MROH9: variants seen among roughly 807,000 people sequenced by gnomAD.
MROH9 encodes the protein maestro heat-like repeat-containing protein family member 9.
Under a neutral mutation model 98.2 loss-of-function variants are expected in MROH9, and 92 were observed. That is an observed-to-expected ratio of 0.94 (90% CI 0.79 to 1.11). The LOEUF (loss-of-function observed/expected upper bound fraction) is 1.11. MROH9 is among the 50% of genes most tolerant of loss of function. The pLI is 0.00. For missense variants in MROH9, 1,057 were observed against 1,014.8 expected (o/e 1.04, Z -0.57); for synonymous variants, 397 against 368.9 (o/e 1.08, Z -0.87).
chr1:170,970,444 A>G lies in MROH9; in HGVS notation c.481-1304A>G, dbSNP rs554031507. Among the ~76,000 whole-genome samples the G allele has an allele frequency of 3.3e-5, 5 of 152,128 alleles. No homozygotes were observed. In the East Asian group the frequency reaches 9.7e-4, roughly 29 times the overall value. On this transcript the variant is annotated intron_variant, in intron 7 of 21. Transcript: ENST00000367759. ...AAGAAAAGGACATTCAGGCAAAGAG[A>G]GCATTTCCCCCTAGGGCCTAGAGCA...
At chr1:171,018,200 T>G (rs1652393762) in intron 17 of MROH9, among the ~76,000 whole-genome samples, 1 of 152,132 alleles carries the variant, frequency 6.6e-6, no homozygotes, top group Admixed American at 6.5e-5. Flanking sequence ...GCACCCATCT[T>G]TGCTGTTCTC....
At chr1:171,029,396 G>T (rs1341204974) in intron 20 of MROH9, among the ~76,000 whole-genome samples, 4 of 152,034 alleles carry the variant, frequency 2.6e-5, no homozygotes, top group Non-Finnish European at 5.9e-5. Flanking sequence ...TTTTAGTAGA[G>T]ACGAGGTTTC....
At chr1:170,987,173 GA>G (rs1200467175) in intron 10 of MROH9, among the ~76,000 whole-genome samples, 1 of 152,114 alleles carries the variant, frequency 6.6e-6, no homozygotes, top group Non-Finnish European at 1.5e-5. Context: ...TTTTTTGTGT[GA>G]AATATTTCAA....
chr1:171,016,621 G>T (rs1462356452), intron 17 of MROH9, among the ~76,000 whole-genome samples: 1 of 152,014 alleles, frequency 6.6e-6, no homozygotes, highest in Non-Finnish European at 1.5e-5. Context: ...GACTGCCTGG[G>T]TTCAAATCCC....
intron 20 of MROH9, among the ~76,000 whole-genome samples, chr1:171,036,944 G>A (rs1479516128): frequency 6.6e-6 from 1 of 151,610 alleles, no homozygotes; most frequent in Non-Finnish European, 1.5e-5. Context: ...CAAGGAAATG[G>A]TCAACATAAA....
At chr1:170,952,301 A>G (rs989660035) in intron 3 of MROH9, among the ~76,000 whole-genome samples, 2 of 152,060 alleles carry the variant, frequency 1.3e-5, no homozygotes, top group African/African-American at 4.8e-5. Context: ...ACATGCACAC[A>G]TATGTTTATT....
chr1:171,055,432 C>G (rs889196408), intron 20 of MROH9, among the ~76,000 whole-genome samples: 2 of 152,022 alleles, frequency 1.3e-5, no homozygotes, highest in East Asian at 3.9e-4. Context: ...ACCAGCCTGG[C>G]CAACATGGTG....
At chr1:170,969,422 AT>A (rs1650354510) in intron 7 of MROH9, among the ~76,000 whole-genome samples, 1 of 152,350 alleles carries the variant, frequency 6.6e-6, no homozygotes, top group South Asian at 2.1e-4. Context: ...GAAACAAGAA[AT>A]AAAAGTATTA....
Position 170,959,400 on chromosome 1 carries a change from C to T in MROH9, c.153-62C>T, listed in dbSNP as rs866954106. ...AAAATAAATAAATAAATAAATAAAG[C>T]CCACTAAATTTCTATTATATTTGTT... is the stretch of plus-strand genomic sequence containing the variant. On this transcript the variant is annotated intron_variant, in intron 4 of 21. Coordinates refer to ENST00000367759, the MANE Select transcript of MROH9 (RefSeq NM_001163629.2). 9.7e-5 allele frequency: 125 copies of T among 1,285,316 alleles called. No individual in the cohort carries two copies. In the Middle Eastern group the frequency reaches 3.7e-3, roughly 38 times the overall value. 79.6% of individuals were successfully genotyped at this position (1,285,316 alleles called of 1,614,324 possible).
intron 20 of MROH9, among the ~76,000 whole-genome samples, chr1:171,050,957 T>C (rs1653646656): frequency 6.6e-6 from 1 of 152,218 alleles, no homozygotes; most frequent in Non-Finnish European, 1.5e-5. Context: ...TGAATCACAT[T>C]TATTGATTTT....
In MROH9 at chr1:171,056,337, G is replaced by A. The variant is rs374978853; in HGVS notation, c.2282-5795G>A. 1.4e-4 allele frequency among the ~76,000 whole-genome samples: 21 copies of A among 152,240 alleles called. No individual in the cohort carries two copies. In the East Asian group the frequency reaches 3.9e-3, roughly 28 times the overall value. ...GGGCTGGACACCTTGGTCCCAAAAG[G>A]TGTCCCCAACAGCCCAACATACCAG... is the stretch of plus-strand genomic sequence containing the variant. On this transcript the variant is annotated intron_variant, in intron 20 of 21. Transcript: ENST00000367759.
intron 17 of MROH9, among the ~76,000 whole-genome samples, chr1:171,020,236 A>C (rs1652473693): frequency 6.6e-6 from 1 of 152,234 alleles, no homozygotes; most frequent in Non-Finnish European, 1.5e-5. Flanking sequence ...ACAATTGAAA[A>C]GGAGGGACTT....
At chr1:171,008,856 A>G (rs545638758) in intron 15 of MROH9, among the ~76,000 whole-genome samples, 1 of 152,342 alleles carries the variant, frequency 6.6e-6, no homozygotes, top group East Asian at 1.9e-4. Context: ...CAAGCTGCAG[A>G]GCAGCACAGA....
At chr1:170,965,104 A>C (rs1473357855) in intron 6 of MROH9, 47 bp from the exon 7 acceptor site, 3 of 1,407,840 alleles carry the variant, frequency 2.1e-6, no homozygotes, top group Non-Finnish European at 3.0e-6. Flanking sequence ...AGGTTCTTGG[A>C]AAATGGAAAT....
rs754660018 is a variant in MROH9, at chr1:170,992,216, C to A, written c.1081C>A (p.His361Asn). ...ATGTTCTCAGGCGAGCGTGGCCCCT[C>A]ACGTGCTGAAGACAATCTTATTGAT... is the stretch of plus-strand genomic sequence containing the variant. ...AACSQASVAP[H>N]VLKTILLILK... Residue 361 changes from histidine to asparagine, a missense_variant, in exon 12 of 22, where the codon CAC becomes AAC. Transcript: ENST00000367759. 3 of 1,613,398 alleles carry A rather than the reference C, an allele frequency of 1.9e-6. No individual in the cohort carries two copies. Among genetic ancestry groups the A allele is most frequent in the Non-Finnish European group, 2.5e-6 (3 of 1,179,604 alleles).
At chr1:170,999,490 T>C (rs924104563) in intron 15 of MROH9, among the ~76,000 whole-genome samples, 1 of 152,020 alleles carries the variant, frequency 6.6e-6, no homozygotes, top group Non-Finnish European at 1.5e-5. Flanking sequence ...CAAATGCTGT[T>C]AATTCATTCC....
intron 1 of MROH9, among the ~76,000 whole-genome samples, chr1:170,943,781 G>GT (rs1206460967): frequency 1.3e-5 from 2 of 151,910 alleles, no homozygotes; most frequent in African/African-American, 4.8e-5. Context: ...TTAACTCAGT[G>GT]TAACAGTTTT....
At chr1:171,029,595 T>C (rs1415873943) in intron 20 of MROH9, among the ~76,000 whole-genome samples, 1 of 152,220 alleles carries the variant, frequency 6.6e-6, no homozygotes, top group Non-Finnish European at 1.5e-5. Context: ...ATGGATTATG[T>C]TTATTGATTT....
chr1:171,043,057 T>C (rs1333616369), intron 20 of MROH9, among the ~76,000 whole-genome samples: 1 of 152,152 alleles, frequency 6.6e-6, no homozygotes, highest in Non-Finnish European at 1.5e-5. Flanking sequence ...AAGAAATCTT[T>C]GCCCAGACCA....
Sources: allele counts gnomAD v4.1 joint callset (sites outside exome capture counted in the v4.1 genomes callset), GRCh38; gene constraint gnomAD v4.1.1; transcripts MANE v1.5; gene names NCBI Gene and HGNC (gene_info 2026-07-23, HGNC 2026-07-21).